ZNF507: variants seen among roughly 807,000 people sequenced by gnomAD.
ZNF507 encodes the protein zinc finger protein 507.
In ZNF507, 29 loss-of-function variants were observed where a neutral mutation model predicts 80.0. That is an observed-to-expected ratio of 0.36 (90% CI 0.27 to 0.49). The LOEUF (loss-of-function observed/expected upper bound fraction) is 0.49. ZNF507 is among the 20% of genes least tolerant of loss of function. ZNF507 has a pLI of 0.98. For missense variants in ZNF507, 1,081 were observed against 1,152.2 expected (o/e 0.94, Z 0.90); for synonymous variants, 462 against 422.5 (o/e 1.09, Z -1.15).
chr19:32,383,407 G>A lies in ZNF507; in HGVS notation c.*324G>A. ...TATTAGAGTGTAGAAATGCCAGCAA[G>A]AGTTAAGAAAGGGCTTTTCAGGAAC... On this transcript the variant is annotated 3_prime_UTR_variant, in exon 7 of 7. Transcript: ENST00000355898. 4.4e-6 allele frequency: 1 copy of A among 226,980 alleles called. No individual in the cohort carries two copies. Among genetic ancestry groups the A allele is most frequent in the Non-Finnish European group, 8.8e-6 (1 of 113,238 alleles). 14.1% of individuals were successfully genotyped at this position (226,980 alleles called of 1,614,324 possible).
rs763662013 is a variant in ZNF507, at chr19:32,354,236, A to G, written c.1406A>G (p.Asn469Ser). 3.1e-6 allele frequency: 5 copies of G among 1,614,022 alleles called. No homozygotes were observed. In the Admixed American group the frequency reaches 6.7e-5, roughly 22 times the overall value. ...TCAGAGAAAAAAGACGAGTTAATGA[A>G]TAAAGGCCTGGCTACTGATGAGAAT... ...SSSEKKDELMNKGLATDENAP... is the reference protein window; with the variant it reads ...SSSEKKDELMSKGLATDENAP... The change falls in exon 3 of 7, where the codon AAT (asparagine) becomes AGT (serine). Residue 469 changes from asparagine (N) to serine (S), a missense_variant. By Grantham distance (46) the Asn-to-Ser change is conservative. Coordinates refer to ENST00000355898, the MANE Select transcript of ZNF507 (RefSeq NM_001136156.2).
Position 32,353,834 on chromosome 19 carries a change from C to G in ZNF507, c.1004C>G (p.Ser335Ter), listed in dbSNP as rs201570914. Residue 335 changes from serine to a stop codon, truncating the protein, a stop_gained, in exon 3 of 7, where the codon TCA (serine) becomes TGA (stop). Transcript: ENST00000355898. LOFTEE classifies it high-confidence loss of function. ...QICSSEQLSS[S>*]SPLEQSAERG... is the part of the protein sequence containing the mutation. ...TGCAGCTCAGAACAGTTATCATCTTCATCTCCTTTAGAACAGAGTGCAGAA... is the reference window on the plus strand; with the variant it reads ...TGCAGCTCAGAACAGTTATCATCTTGATCTCCTTTAGAACAGAGTGCAGAA... 6.2e-7 allele frequency: 1 copy of G among 1,614,188 alleles called. No homozygotes were observed. Among genetic ancestry groups the G allele is most frequent in the East Asian group, 2.2e-5 (1 of 44,880 alleles).
At chr19:32,361,625 A>G (rs1967323378) in intron 5 of ZNF507, among the ~76,000 whole-genome samples, 1 of 151,672 alleles carries the variant, frequency 6.6e-6, no homozygotes, top group African/African-American at 2.4e-5. Flanking sequence ...AGTCCTCCTC[A>G]GTGTCTTCCT....
chr19:32,366,097 T>G (rs1186247760), intron 5 of ZNF507, among the ~76,000 whole-genome samples: 1 of 152,174 alleles, frequency 6.6e-6, no homozygotes, highest in Non-Finnish European at 1.5e-5. Flanking sequence ...TTCCCCTAAT[T>G]GTTTCAAAAC....
At chr19:32,362,872 C>T (rs1413865999) in intron 5 of ZNF507, among the ~76,000 whole-genome samples, 1 of 152,106 alleles carries the variant, frequency 6.6e-6, no homozygotes, top group Non-Finnish European at 1.5e-5. Context: ...TGTCATATCT[C>T]CCTCTTTGTA....
In ZNF507 at chr19:32,354,618, A is replaced by G. The variant is rs367792223; in HGVS notation, c.1788A>G (p.Glu596=). Residue 596 remains glutamate (E), a synonymous_variant, in exon 3 of 7, where the codon GAA becomes GAG. Coordinates refer to ENST00000355898, the MANE Select transcript of ZNF507 (RefSeq NM_001136156.2). ...SLLTVIEKLR[E]RTDQNASDDD... is the part of the protein sequence containing the mutation. Reference sequence around the variant, plus strand: ...TCACCGTCATTGAAAAATTGAGAGAAAGGACAGACCAAAACGCTTCAGACG... The same window carrying G: ...TCACCGTCATTGAAAAATTGAGAGAGAGGACAGACCAAAACGCTTCAGACG... 18 of 1,613,994 alleles carry G rather than the reference A, an allele frequency of 1.1e-5. No individual in the cohort carries two copies. The highest frequency in any genetic ancestry group is 1.4e-5 in the Non-Finnish European group (17 of 1,180,012).
At chr19:32,371,909 G>T (rs566901458) in intron 5 of ZNF507, among the ~76,000 whole-genome samples, 1 of 152,210 alleles carries the variant, frequency 6.6e-6, no homozygotes, top group South Asian at 2.1e-4. Context: ...AAAGTGCTGG[G>T]ATTACAGGCA....
rs994200466 is a variant in ZNF507 at position 32,387,316 on chromosome 19, C to T, written c.*4233C>T. On this transcript the variant is annotated 3_prime_UTR_variant, in exon 7 of 7. Coordinates refer to ENST00000355898, the MANE Select transcript of ZNF507 (RefSeq NM_001136156.2). ...GTTGCATTGACGAAGCTAACATCAT[C>T]TGACTGTATCGTGGGTCTGGTTATC... is the stretch of plus-strand genomic sequence containing the variant. 6.6e-6 allele frequency: 1 copy of T among 152,148 alleles called. No individual in the cohort carries two copies. Among genetic ancestry groups the T allele is most frequent in the Non-Finnish European group, 1.5e-5 (1 of 68,042 alleles). The allele number at this position is 152,148 out of a possible 1,614,324, so 9.4% of individuals were successfully genotyped here.
rs776282884 is a variant in ZNF507 at position 32,354,107 on chromosome 19, T to C, written c.1277T>C (p.Leu426Pro). The C allele has an allele frequency of 6.2e-7, 1 of 1,613,732 alleles. No homozygotes were observed. Among genetic ancestry groups the C allele is most frequent in the Non-Finnish European group, 8.5e-7 (1 of 1,180,034 alleles). Residue 426 changes from leucine (L) to proline (P), a missense_variant, in exon 3 of 7, where the codon CTG becomes CCG. Coordinates refer to ENST00000355898, the MANE Select transcript of ZNF507 (RefSeq NM_001136156.2). ...ACTGAAATGGAAGAAGGGAAGGACCTGAGCCTGACAGAAGCTCAGATTGGG... is the reference window on the plus strand; with the variant it reads ...ACTGAAATGGAAGAAGGGAAGGACCCGAGCCTGACAGAAGCTCAGATTGGG... ...MNTEMEEGKD[L>P]SLTEAQIGRE...
chr19:32,378,094 G>T (rs546710150), intron 5 of ZNF507, among the ~76,000 whole-genome samples: 5 of 152,080 alleles, frequency 3.3e-5, no homozygotes, highest in African/African-American at 1.2e-4. Context: ...GGCTCAGTGC[G>T]TGTAATCCCA....
chr19:32,354,456 AATG>A lies in ZNF507; in HGVS notation c.1630_1632del (p.Met544del), dbSNP rs1282437277. ...ATAGTACATTGGCAGCGTACTCAAA[AATG>A]ATGTCGCCACTTAAAAACTCTTCAG... On this transcript the variant is annotated inframe_deletion, in exon 3 of 7. Coordinates refer to ENST00000355898, the MANE Select transcript of ZNF507 (RefSeq NM_001136156.2). The A allele has an allele frequency of 6.2e-7, 1 of 1,614,140 alleles. No individual in the cohort carries two copies.
rs779352306 is a variant in ZNF507 at position 32,353,038 on chromosome 19, C to T, written c.208C>T (p.Arg70Cys). Reference protein sequence around the residue: ...SQKCLLIGKKRPRSSAATHSL... With the variant: ...SQKCLLIGKKCPRSSAATHSL... The stretch of plus-strand genomic sequence containing the variant: ...AAAATGTCTTTTAATTGGGAAGAAA[C>T]GCCCACGTTCAAGTGCTGCAACACA... Residue 70 changes from arginine (R) to cysteine (C), a missense_variant, in exon 3 of 7, where the codon CGC becomes TGC. Coordinates refer to ENST00000355898, the MANE Select transcript of ZNF507 (RefSeq NM_001136156.2). 78 of 1,613,762 alleles carry T rather than the reference C, an allele frequency of 4.8e-5. No homozygotes were observed. The highest frequency in any genetic ancestry group is 6.4e-5 in the Non-Finnish European group (76 of 1,179,946).
chr19:32,356,801 A>G (rs750203440), intron 4 of ZNF507, 68 bp downstream of exon 4: 1 of 1,224,466 alleles, frequency 8.2e-7, no homozygotes, highest in African/African-American at 1.5e-5. Flanking sequence ...CTTAGTTGTC[A>G]TGGTTGGTTA....
chr19:32,355,327 C>A (rs1046954117), intron 3 of ZNF507, among the ~76,000 whole-genome samples: 1 of 152,090 alleles, frequency 6.6e-6, no homozygotes, highest in Non-Finnish European at 1.5e-5. Context: ...ATCATCACAA[C>A]AAAAAAATAC....
chr19:32,346,201 T>C (rs1967095766), intron 1 of ZNF507, among the ~76,000 whole-genome samples: 1 of 152,196 alleles, frequency 6.6e-6, no homozygotes. Flanking sequence ...CTTTAGCCAG[T>C]GCGTGGTGTA....
Position 32,353,465 on chromosome 19 carries a change from C to G in ZNF507, c.635C>G (p.Pro212Arg). ...RKTTERNETIPDIPVSVDNLQ... is the reference protein window; with the variant it reads ...RKTTERNETIRDIPVSVDNLQ... ...ACCACAGAAAGAAATGAAACCATTC[C>G]AGATATCCCAGTAAGTGTGGACAAT... Residue 212 changes from proline (P) to arginine (R), a missense_variant, in exon 3 of 7, where the codon CCA becomes CGA. By Grantham distance (103) the Pro-to-Arg change is moderately radical (BLOSUM62 -2). This residue lies in a region of ZNF507 where 275 missense variants were observed against 303.9 expected (regional missense o/e 0.90). Transcript: ENST00000355898. 6.2e-7 allele frequency: 1 copy of G among 1,614,220 alleles called. No individual in the cohort carries two copies. Among genetic ancestry groups the G allele is most frequent in the South Asian group, 1.1e-5 (1 of 91,084 alleles).
chr19:32,386,168 A>G lies in ZNF507; in HGVS notation c.*3085A>G, dbSNP rs1238089231. ...CCAAGTTCTTTGGCCAGATAGTGCAATGTTGTGACACCGACCGAAGCCTTT... is the reference window on the plus strand; with the variant it reads ...CCAAGTTCTTTGGCCAGATAGTGCAGTGTTGTGACACCGACCGAAGCCTTT... On this transcript the variant is annotated 3_prime_UTR_variant, in exon 7 of 7. Transcript: ENST00000355898. 1.3e-5 allele frequency: 2 copies of G among 152,602 alleles called. No homozygotes were observed. The highest frequency in any genetic ancestry group is 3.9e-4 in the East Asian group (2 of 5,186). 9.5% of individuals were successfully genotyped at this position (152,602 alleles called of 1,614,324 possible).
In ZNF507 at chr19:32,383,346, CCTT is replaced by C; in HGVS notation, c.*267_*269del. On this transcript the variant is annotated 3_prime_UTR_variant, in exon 7 of 7. Transcript: ENST00000355898. ...AATCCTGTATTAACCCTCTGTCACC[CCTT>C]CTTAGTGTCGAGTGTATTTATTAAT... 2.5e-6 allele frequency: 1 copy of C among 403,592 alleles called. No homozygotes were observed. The highest frequency in any genetic ancestry group is 4.5e-6 in the Non-Finnish European group (1 of 220,984). The allele number at this position is 403,592 out of a possible 1,614,324, so 25.0% of individuals were successfully genotyped here. A position where few individuals can be genotyped will look rare whatever the true frequency, so the allele number is the denominator to read the frequency against.
rs763864837 is a variant in ZNF507 at position 32,354,676 on chromosome 19, C to G, written c.1846C>G (p.Gln616Glu). ...DILKELQDNA[Q>E]CQPNSDTSLS... ...TTTGAAAGAGTTGCAGGACAACGCC[C>G]AGTGCCAACCCAACAGCGATACAAG... The change falls in exon 3 of 7, where the codon CAG (glutamine) becomes GAG (glutamate). Residue 616 changes from glutamine (Q) to glutamate (E), a missense_variant. By Grantham distance (29) the Gln-to-Glu change is conservative. Around this residue, in one of 6 missense-constraint regions of ZNF507, gnomAD observed 614 missense variants for 583.9 expected, o/e 1.05. Transcript: ENST00000355898. The G allele has an allele frequency of 4.3e-6, 7 of 1,614,038 alleles. No individual in the cohort carries two copies. The highest frequency in any genetic ancestry group is 1.3e-5 in the African/African-American group (1 of 74,918).
Sources: allele counts gnomAD v4.1 joint callset (sites outside exome capture counted in the v4.1 genomes callset), GRCh38; gene constraint gnomAD v4.1.1; regional missense constraint gnomAD v4.1.1; transcripts MANE v1.5; gene names NCBI Gene and HGNC (gene_info 2026-07-23, HGNC 2026-07-21).